Variants in THSD7A observed in about 807,000 individuals in gnomAD.
THSD7A encodes the protein thrombospondin type-1 domain-containing protein 7A.
THSD7A carries 96 observed loss-of-function variants against 231.3 expected under a neutral mutation model. The ratio of observed to expected loss-of-function variants is 0.41; its 90% CI spans 0.35 to 0.49. The LOEUF (loss-of-function observed/expected upper bound fraction) is 0.49. Among genes scored for constraint, THSD7A ranks in the 20% least tolerant of loss-of-function variants. THSD7A has a pLI of 0.05. For synonymous variants in THSD7A, 940 were observed against 743.3 expected (o/e 1.26, Z -4.30); for missense variants, 2,290 against 2,070.2 (o/e 1.11, Z -2.06).
intron 1 of THSD7A, among the ~76,000 whole-genome samples, chr7:11,768,711 G>C (rs1783108515): frequency 6.6e-6 from 1 of 152,050 alleles, no homozygotes; most frequent in Non-Finnish European, 1.5e-5. Context: ...AGTTTGATAA[G>C]AAAAGATATC....
At chr7:11,532,215 C>T (rs1382008859) in intron 6 of THSD7A, among the ~76,000 whole-genome samples, 2 of 152,098 alleles carry the variant, frequency 1.3e-5, no homozygotes, top group African/African-American at 4.8e-5. Flanking sequence ...GCCAGCTCTT[C>T]AGCTAAATAC....
intron 1 of THSD7A, among the ~76,000 whole-genome samples, chr7:11,649,989 G>A (rs1782429637): frequency 6.6e-6 from 1 of 152,044 alleles, no homozygotes; most frequent in South Asian, 2.1e-4. Context: ...ATTTGGCCCT[G>A]GGGTGAGGGA....
At chr7:11,412,518 A>T in intron 18 of THSD7A, 138 bp downstream of exon 18, 1 of 991,414 alleles carries the variant, frequency 1.0e-6, no homozygotes, top group Non-Finnish European at 1.4e-6. Flanking sequence ...GTCATTTAAT[A>T]TGTAATTATT....
At chr7:11,443,123 A>G (rs565988656) in intron 13 of THSD7A, among the ~76,000 whole-genome samples, 1 of 152,248 alleles carries the variant, frequency 6.6e-6, no homozygotes, top group South Asian at 2.1e-4. Context: ...TGATGCTCTC[A>G]TGCATCTAAT....
chr7:11,380,251 A>G (rs1730291857), intron 24 of THSD7A, among the ~76,000 whole-genome samples: 1 of 152,166 alleles, frequency 6.6e-6, no homozygotes, highest in African/African-American at 2.4e-5. Context: ...TATCTACGAA[A>G]TCATTTGTTT....
chr7:11,564,248 A>G (rs1174933706), intron 4 of THSD7A, among the ~76,000 whole-genome samples: 1 of 152,118 alleles, frequency 6.6e-6, no homozygotes, highest in African/African-American at 2.4e-5. Flanking sequence ...TTAACTTCCC[A>G]ATTATGGGTG....
chr7:11,481,725 A>T (rs963674659), intron 7 of THSD7A, 63 bp downstream of exon 7: 1 of 1,453,778 alleles, frequency 6.9e-7, no homozygotes, highest in Non-Finnish European at 9.2e-7. Context: ...TCCAGGCTAC[A>T]CAAAAAAGAT....
chr7:11,590,381 T>A lies in THSD7A; in HGVS notation c.1453+79A>T, dbSNP rs1269037739. The A allele has an allele frequency of 1.3e-5, 19 of 1,444,942 alleles. No individual in the cohort carries two copies. Among genetic ancestry groups the A allele is most frequent in the Non-Finnish European group, 1.6e-5 (17 of 1,072,726 alleles). 89.5% of individuals were successfully genotyped at this position (1,444,942 alleles called of 1,614,324 possible). Reference sequence around the variant, plus strand: ...ATGCAGCCCTCATAACCTGGATGGCTGTGTATATATCCCTTCAGAGCAATC... The same window carrying A: ...ATGCAGCCCTCATAACCTGGATGGCAGTGTATATATCCCTTCAGAGCAATC... On this transcript the variant is annotated intron_variant, in intron 4 of 27. Coordinates refer to ENST00000423059, the MANE Select transcript of THSD7A (RefSeq NM_015204.3). This position sits in a 1 kb window ranked among gnomAD's most constrained non-coding sequence, Gnocchi z 4.4.
intron 1 of THSD7A, among the ~76,000 whole-genome samples, chr7:11,714,992 G>A (rs1328407247): frequency 6.6e-6 from 1 of 151,350 alleles, no homozygotes; most frequent in Admixed American, 6.6e-5. Context: ...CATATTTGGC[G>A]AAGTGGCTTC....
chr7:11,831,189 T>C lies in THSD7A; in HGVS notation c.190+568A>G, dbSNP rs1390666505. Among the ~76,000 whole-genome samples, 2 of 152,172 alleles carry C rather than the reference T, an allele frequency of 1.3e-5. No individual in the cohort carries two copies. Among genetic ancestry groups the C allele is most frequent in the Non-Finnish European group, 2.9e-5 (2 of 68,024 alleles). ...CAGACATCCTAAAAGTTGTACACTT[T>C]AAAAATCCTCCGACTCGCTAGTTAA... On this transcript the variant is annotated intron_variant, in intron 1 of 27. Transcript: ENST00000423059. This position sits in a 1 kb window ranked among gnomAD's most constrained non-coding sequence, Gnocchi z 5.0.
At chr7:11,820,911 C>A in intron 1 of THSD7A, 1 of 917,756 alleles carries the variant, frequency 1.1e-6, no homozygotes, top group Non-Finnish European at 1.7e-6. Context: ...CACTGATTCT[C>A]TAGATTTACC....
At chr7:11,440,123 T>C (rs765448248) in intron 13 of THSD7A, among the ~76,000 whole-genome samples, 3 of 152,042 alleles carry the variant, frequency 2.0e-5, no homozygotes, top group Non-Finnish European at 4.4e-5. Context: ...CTAAATCTAC[T>C]CTGCTTGTGC....
At chr7:11,482,068 T>A in intron 6 of THSD7A, 86 bp from the exon 7 acceptor site, 3 of 1,362,982 alleles carry the variant, frequency 2.2e-6, no homozygotes, top group Non-Finnish European at 3.0e-6. Flanking sequence ...CCAGATAAGT[T>A]ACATTATCTT....
rs1784630183 is a variant in THSD7A, at chr7:11,814,824, A to T, written c.190+16933T>A. On this transcript the variant is annotated intron_variant, in intron 1 of 27. Transcript: ENST00000423059. The surrounding 1 kb of genome is among the most constrained non-coding windows in gnomAD (Gnocchi z 5.1). ...TAGAGGTATGTAGTCACCACAGCAA[A>T]CTCTCAAAAGAAGCTGTTTGATAAG... 6.6e-6 allele frequency among the ~76,000 whole-genome samples: 1 copy of T among 151,932 alleles called. No individual in the cohort carries two copies. Among genetic ancestry groups the T allele is most frequent in the Admixed American group, 6.6e-5 (1 of 15,250 alleles).
In THSD7A at chr7:11,752,160, A is replaced by G. The variant is rs373298222; in HGVS notation, c.190+79597T>C. 4.4e-4 allele frequency among the ~76,000 whole-genome samples: 67 copies of G among 152,202 alleles called. No individual in the cohort carries two copies. The South Asian group carries it at 4.6e-3, about 10-fold the overall frequency. On this transcript the variant is annotated intron_variant, in intron 1 of 27. Coordinates refer to ENST00000423059, the MANE Select transcript of THSD7A (RefSeq NM_015204.3). ...TGAGGCACCTATGGCCTTGTTTACT[A>G]CATATAAAAGCACTCAGACCACATT...
chr7:11,428,096 G>A (rs775349804), intron 14 of THSD7A, among the ~76,000 whole-genome samples: 1 of 152,156 alleles, frequency 6.6e-6, no homozygotes, highest in Non-Finnish European at 1.5e-5. Context: ...CAGGTAAGCA[G>A]TGTGTTTAGA....
chr7:11,558,474 C>T (rs1223199131), intron 4 of THSD7A, among the ~76,000 whole-genome samples: 1 of 152,152 alleles, frequency 6.6e-6, no homozygotes, highest in Non-Finnish European at 1.5e-5. Context: ...TGGTGAACTA[C>T]TAATCCCAAG....
At position 11,659,980 on chromosome 7, in the gene THSD7A, T is replaced by C. The variant is rs138658202; in HGVS notation, c.191-23019A>G. 2.6e-5 allele frequency among the ~76,000 whole-genome samples: 4 copies of C among 151,700 alleles called. No individual in the cohort carries two copies. In the East Asian group the frequency reaches 5.8e-4, roughly 22 times the overall value. ...CTCAGACCTAATGATTAAGAATCTA[T>C]ATTTCTTACAGACCTCCAAGGTAAT... On this transcript the variant is annotated intron_variant, in intron 1 of 27. Transcript: ENST00000423059.
At chr7:11,605,804 C>T (rs935160038) in intron 2 of THSD7A, among the ~76,000 whole-genome samples, 1 of 152,102 alleles carries the variant, frequency 6.6e-6, no homozygotes, top group African/African-American at 2.4e-5. Flanking sequence ...TGCTGTTTCT[C>T]TAAAGCTTTT....
Sources: gnomAD v4.1 joint callset for allele counts (sites outside exome capture counted in the v4.1 genomes callset) on GRCh38, gnomAD v4.1.1 for gene constraint, Gnocchi (gnomAD v3.1) non-coding constraint, MANE v1.5 for transcripts, NCBI Gene and HGNC (gene_info 2026-07-23, HGNC 2026-07-21) for gene names.